Variants in EDF1 observed in about 807,000 individuals in gnomAD.
EDF1 encodes the protein endothelial differentiation related factor 1.
In EDF1, 5 loss-of-function variants were observed where a neutral mutation model predicts 20.8. The observed-to-expected ratio is 0.24, with a 90% CI of 0.13 to 0.51. EDF1 has a LOEUF of 0.51. Among genes scored for constraint, EDF1 ranks in the 20% least tolerant of loss-of-function variants. The pLI is 0.97. For missense variants in EDF1, 137 were observed against 197.8 expected (o/e 0.69, Z 1.84); for synonymous variants, 96 against 78.5 (o/e 1.22, Z -1.18).
chr9:136,864,912 C>T (rs1021912694), intron 1 of EDF1, among the ~76,000 whole-genome samples: 2 of 152,192 alleles, frequency 1.3e-5, no homozygotes, highest in Non-Finnish European at 2.9e-5. Context: ...CGTGAGCCAC[C>T]GCGCCCGGCC....
In EDF1 at chr9:136,863,937, AG is replaced by A; in HGVS notation, c.79-67del. On this transcript the variant is annotated intron_variant, in intron 1 of 4. Transcript: ENST00000224073. This position sits in a 1 kb window ranked among gnomAD's most constrained non-coding sequence, Gnocchi z 4.5. Reference sequence around the variant, plus strand: ...GACAGTATCCAGCACACACCAATTCAGGCCTGCTGTTAGCCAGTTAGCACAC... The same window carrying A: ...GACAGTATCCAGCACACACCAATTCAGCCTGCTGTTAGCCAGTTAGCACAC... 1.3e-6 allele frequency: 2 copies of A among 1,564,056 alleles called. No individual in the cohort carries two copies. The highest frequency in any genetic ancestry group is 2.2e-5 in the South Asian group (2 of 89,858).
chr9:136,862,300 C>A lies in EDF1; in HGVS notation c.431G>T (p.Gly144Val). The A allele has an allele frequency of 1.9e-6, 3 of 1,613,972 alleles. No individual in the cohort carries two copies. The highest frequency in any genetic ancestry group is 2.5e-6 in the Non-Finnish European group (3 of 1,179,988). Residue 144 changes from glycine (G) to valine (V), a missense_variant, in exon 5 of 5, where the codon GGG becomes GTG. By Grantham distance (109) the Gly-to-Val change is moderately radical (BLOSUM62 -3). Transcript: ENST00000224073. The surrounding 1 kb of genome is among the most constrained non-coding windows in gnomAD (Gnocchi z 4.1). ...GKDIGKPIEKGPRAK is the reference protein window; with the variant it reads ...GKDIGKPIEKVPRAK ...GCTTTGTGTTCATTTCGCCCTAGGC[C>A]CCTTCTCGATGGGCTTTCCAATGTC... is the stretch of plus-strand genomic sequence containing the variant.
chr9:136,863,240 C>CG lies in EDF1; in HGVS notation c.291+47_291+48insC, dbSNP rs1234648267. On this transcript the variant is annotated intron_variant, in intron 3 of 4. Coordinates refer to ENST00000224073, the MANE Select transcript of EDF1 (RefSeq NM_003792.4). This position sits in a 1 kb window ranked among gnomAD's most constrained non-coding sequence, Gnocchi z 4.5. Reference sequence around the variant, plus strand: ...TGCTATCTGAACACCGGCCATCCCCCTCCCCAAACCCACAACCCCAGGAGT... The same window carrying CG: ...TGCTATCTGAACACCGGCCATCCCCCGTCCCCAAACCCACAACCCCAGGAGT... 1 of 1,588,330 alleles carries CG rather than the reference C, an allele frequency of 6.3e-7. No homozygotes were observed. The highest frequency in any genetic ancestry group is 1.3e-5 in the African/African-American group (1 of 74,588).
chr9:136,863,132 G>T lies in EDF1; in HGVS notation c.292-133C>A. The T allele has an allele frequency of 6.7e-7, 1 of 1,499,528 alleles. No individual in the cohort carries two copies. Among genetic ancestry groups the T allele is most frequent in the Non-Finnish European group, 9.1e-7 (1 of 1,099,720 alleles). 92.9% of individuals were successfully genotyped at this position (1,499,528 alleles called of 1,614,324 possible). On this transcript the variant is annotated intron_variant, in intron 3 of 4. Transcript: ENST00000224073. This position sits in a 1 kb window ranked among gnomAD's most constrained non-coding sequence, Gnocchi z 4.5. ...ACCCACACGCAGCTGGGTTTTGTGCGAGAGGCAGTGAGAGCCGGGCTGACC... is the reference window on the plus strand; with the variant it reads ...ACCCACACGCAGCTGGGTTTTGTGCTAGAGGCAGTGAGAGCCGGGCTGACC...
chr9:136,862,882 G>C lies in EDF1; in HGVS notation c.385+24C>G. On this transcript the variant is annotated intron_variant, in intron 4 of 4. Coordinates refer to ENST00000224073, the MANE Select transcript of EDF1 (RefSeq NM_003792.4). This position sits in a 1 kb window ranked among gnomAD's most constrained non-coding sequence, Gnocchi z 4.1. Reference sequence around the variant, plus strand: ...GGTAGCCTCCCTGTTCAGCGGACCCGGCGAAGGGTGGAGGGACACTCACCA... The same window carrying C: ...GGTAGCCTCCCTGTTCAGCGGACCCCGCGAAGGGTGGAGGGACACTCACCA... 1 of 1,612,698 alleles carries C rather than the reference G, an allele frequency of 6.2e-7. No individual in the cohort carries two copies. The highest frequency in any genetic ancestry group is 8.5e-7 in the Non-Finnish European group (1 of 1,179,982).
chr9:136,866,247 G>T lies in EDF1; in HGVS notation c.12C>A (p.Ser4Arg), dbSNP rs373291770. 4.4e-6 allele frequency: 7 copies of T among 1,598,882 alleles called. No individual in the cohort carries two copies. In the African/African-American group the frequency reaches 5.5e-5, roughly 13 times the overall value. Residue 4 changes from serine (S) to arginine (R), a missense_variant, in exon 1 of 5, where the codon AGC (serine) becomes AGA (arginine). Ser to Arg is a moderately radical substitution (Grantham distance 110). Transcript: ENST00000224073. MAESDWDTVTVLRK... is the reference protein window; with the variant it reads MAERDWDTVTVLRK... ...GCAGCACCGTCACCGTGTCCCAGTC[G>T]CTCTCGGCCATGGCGGGCGAAGACG...
chr9:136,862,276 C>T lies in EDF1; in HGVS notation c.*8G>A. On this transcript the variant is annotated 3_prime_UTR_variant, in exon 5 of 5. Coordinates refer to ENST00000224073, the MANE Select transcript of EDF1 (RefSeq NM_003792.4). This position sits in a 1 kb window ranked among gnomAD's most constrained non-coding sequence, Gnocchi z 4.1. ...CAGCTGGAGCGCACTGATTTCGAGG[C>T]TTTGTGTTCATTTCGCCCTAGGCCC... 1 of 1,613,998 alleles carries T rather than the reference C, an allele frequency of 6.2e-7. No homozygotes were observed. The highest frequency in any genetic ancestry group is 8.5e-7 in the Non-Finnish European group (1 of 1,179,988).
chr9:136,865,270 C>T (rs919807513), intron 1 of EDF1, among the ~76,000 whole-genome samples: 1 of 152,132 alleles, frequency 6.6e-6, no homozygotes, highest in Non-Finnish European at 1.5e-5. Flanking sequence ...TTGGTAATCT[C>T]CTTCCACAAG....
rs770451976 is a variant in EDF1 at position 136,863,029 on chromosome 9, A to G, written c.292-30T>C. 2.5e-6 allele frequency: 4 copies of G among 1,610,096 alleles called. No homozygotes were observed. The highest frequency in any genetic ancestry group is 1.8e-4 in the Middle Eastern group (1 of 5,646). ...AGAGAAGATGTGCTTTATACACATCAGCTCCACTAGGACTGCTGCAAAACC... is the reference window on the plus strand; with the variant it reads ...AGAGAAGATGTGCTTTATACACATCGGCTCCACTAGGACTGCTGCAAAACC... On this transcript the variant is annotated intron_variant, in intron 3 of 4. Transcript: ENST00000224073. The surrounding 1 kb of genome is among the most constrained non-coding windows in gnomAD (Gnocchi z 4.5).
Position 136,863,945 on chromosome 9 carries a change from T to G in EDF1, c.79-74A>C. Reference sequence around the variant, plus strand: ...CCAGCACACACCAATTCAGGCCTGCTGTTAGCCAGTTAGCACACTGCTAAG... The same window carrying G: ...CCAGCACACACCAATTCAGGCCTGCGGTTAGCCAGTTAGCACACTGCTAAG... On this transcript the variant is annotated intron_variant, in intron 1 of 4. Coordinates refer to ENST00000224073, the MANE Select transcript of EDF1 (RefSeq NM_003792.4). The surrounding 1 kb of genome is among the most constrained non-coding windows in gnomAD (Gnocchi z 4.5). 6.6e-7 allele frequency: 1 copy of G among 1,506,042 alleles called. No individual in the cohort carries two copies. The highest frequency in any genetic ancestry group is 9.2e-7 in the Non-Finnish European group (1 of 1,087,824). 93.3% of individuals were successfully genotyped at this position (1,506,042 alleles called of 1,614,324 possible).
chr9:136,863,828 G>A lies in EDF1; in HGVS notation c.122C>T (p.Ser41Phe). The A allele has an allele frequency of 6.2e-7, 1 of 1,613,948 alleles. No homozygotes were observed. The highest frequency in any genetic ancestry group is 8.5e-7 in the Non-Finnish European group (1 of 1,179,994). ...AQRRGEDVET[S>F]KKWAAGQNKQ... ...GAAACACAAGTACCTACATTTCTTGGAAGTCTCCACATCTTCTCCTCGTCT... is the reference window on the plus strand; with the variant it reads ...GAAACACAAGTACCTACATTTCTTGAAAGTCTCCACATCTTCTCCTCGTCT... Residue 41 changes from serine (S) to phenylalanine (F), a missense_variant, in exon 2 of 5, where the codon TCC becomes TTC. Transcript: ENST00000224073. The surrounding 1 kb of genome is among the most constrained non-coding windows in gnomAD (Gnocchi z 4.5).
chr9:136,863,585 C>T lies in EDF1; in HGVS notation c.131-137G>A. On this transcript the variant is annotated intron_variant, in intron 2 of 4. Coordinates refer to ENST00000224073, the MANE Select transcript of EDF1 (RefSeq NM_003792.4). This position sits in a 1 kb window ranked among gnomAD's most constrained non-coding sequence, Gnocchi z 4.5. ...GGGAACCCAGGCTGTCCCAAGTTCA[C>T]ACACCTCAGGTCGTGGACTTCCAGA... 1 of 1,213,086 alleles carries T rather than the reference C, an allele frequency of 8.2e-7. No homozygotes were observed. The highest frequency in any genetic ancestry group is 1.1e-6 in the Non-Finnish European group (1 of 880,754). The allele number at this position is 1,213,086 out of a possible 1,614,324, so 75.1% of individuals were successfully genotyped here.
chr9:136,866,206 G>A lies in EDF1; in HGVS notation c.53C>T (p.Thr18Met), dbSNP rs1849223540. 3 of 1,601,488 alleles carry A rather than the reference G, an allele frequency of 1.9e-6. No homozygotes were observed. Among genetic ancestry groups the A allele is most frequent in the African/African-American group, 1.4e-5 (1 of 72,746 alleles). Reference sequence around the variant, plus strand: ...CTGCTTGGATTTGGCCTGGGCGGCCGTAGGGCCCTTCTTGCGCAGCACCGT... The same window carrying A: ...CTGCTTGGATTTGGCCTGGGCGGCCATAGGGCCCTTCTTGCGCAGCACCGT... ...TVTVLRKKGP[T>M]AAQAKSKQAI... The change falls in exon 1 of 5, where the codon ACG becomes ATG. Residue 18 changes from threonine to methionine, a missense_variant. Physicochemically the swap from Thr to Met is moderately conservative, Grantham distance 81. Coordinates refer to ENST00000224073, the MANE Select transcript of EDF1 (RefSeq NM_003792.4).
rs973740290 is a variant in EDF1 at position 136,863,114 on chromosome 9, C to T, written c.292-115G>A. Reference sequence around the variant, plus strand: ...AGGGCCCCTGGGGTACGCACCCACACGCAGCTGGGTTTTGTGCGAGAGGCA... The same window carrying T: ...AGGGCCCCTGGGGTACGCACCCACATGCAGCTGGGTTTTGTGCGAGAGGCA... On this transcript the variant is annotated intron_variant, in intron 3 of 4. Coordinates refer to ENST00000224073, the MANE Select transcript of EDF1 (RefSeq NM_003792.4). This position sits in a 1 kb window ranked among gnomAD's most constrained non-coding sequence, Gnocchi z 4.5. The T allele has an allele frequency of 2.0e-5, 30 of 1,521,652 alleles. No individual in the cohort carries two copies. The highest frequency in any genetic ancestry group is 2.3e-4 in the Middle Eastern group (1 of 4,358). The allele number at this position is 1,521,652 out of a possible 1,614,324, so 94.3% of individuals were successfully genotyped here.
chr9:136,864,032 C>G (rs909992351), intron 1 of EDF1, among the ~76,000 whole-genome samples, 161 bp from the exon 2 acceptor site: 1 of 152,138 alleles, frequency 6.6e-6, no homozygotes, highest in African/African-American at 2.4e-5. Context: ...CTCAACTAGG[C>G]ACCATGGCTT....
chr9:136,863,789 T>C lies in EDF1; in HGVS notation c.130+31A>G, dbSNP rs1849159601. On this transcript the variant is annotated intron_variant, in intron 2 of 4. Transcript: ENST00000224073. This position sits in a 1 kb window ranked among gnomAD's most constrained non-coding sequence, Gnocchi z 4.5. ...AGCACATGGACCCCACAGCACAGCCTCATGTTGCAAGCGGAAACACAAGTA... is the reference window on the plus strand; with the variant it reads ...AGCACATGGACCCCACAGCACAGCCCCATGTTGCAAGCGGAAACACAAGTA... 6.2e-7 allele frequency: 1 copy of C among 1,613,458 alleles called. No homozygotes were observed. The highest frequency in any genetic ancestry group is 1.3e-5 in the African/African-American group (1 of 75,002).
chr9:136,862,900 A>G lies in EDF1; in HGVS notation c.385+6T>C, dbSNP rs1849134743. On this transcript the variant is annotated splice_donor_region_variant and intron_variant, in intron 4 of 4. Coordinates refer to ENST00000224073, the MANE Select transcript of EDF1 (RefSeq NM_003792.4). This position sits in a 1 kb window ranked among gnomAD's most constrained non-coding sequence, Gnocchi z 4.1. ...CGGACCCGGCGAAGGGTGGAGGGACACTCACCAATGGCCCGCTCGATTTTG... is the reference window on the plus strand; with the variant it reads ...CGGACCCGGCGAAGGGTGGAGGGACGCTCACCAATGGCCCGCTCGATTTTG... 4 of 1,613,298 alleles carry G rather than the reference A, an allele frequency of 2.5e-6. No individual in the cohort carries two copies. In the East Asian group the frequency reaches 8.9e-5, roughly 36 times the overall value.
chr9:136,866,266 G>A lies in EDF1; in HGVS notation c.-8C>T. ...CCAGTCGCTCTCGGCCATGGCGGGCGAAGACGAGCGTCCGTCCGGCGGCTC... is the reference window on the plus strand; with the variant it reads ...CCAGTCGCTCTCGGCCATGGCGGGCAAAGACGAGCGTCCGTCCGGCGGCTC... On this transcript the variant is annotated 5_prime_UTR_variant, in exon 1 of 5. Transcript: ENST00000224073. 6 of 1,594,170 alleles carry A rather than the reference G, an allele frequency of 3.8e-6. No individual in the cohort carries two copies. The highest frequency in any genetic ancestry group is 5.1e-6 in the Non-Finnish European group (6 of 1,173,798).
chr9:136,863,770 T>C lies in EDF1; in HGVS notation c.130+50A>G. On this transcript the variant is annotated intron_variant, in intron 2 of 4. Transcript: ENST00000224073. The surrounding 1 kb of genome is among the most constrained non-coding windows in gnomAD (Gnocchi z 4.5). ...CGCACACACCACACCCACCAGCACA[T>C]GGACCCCACAGCACAGCCTCATGTT... 1 of 1,609,322 alleles carries C rather than the reference T, an allele frequency of 6.2e-7. No individual in the cohort carries two copies. Among genetic ancestry groups the C allele is most frequent in the East Asian group, 2.2e-5 (1 of 44,858 alleles).
Sources: gnomAD v4.1 joint callset for allele counts (sites outside exome capture counted in the v4.1 genomes callset) on GRCh38, gnomAD v4.1.1 for gene constraint, Gnocchi (gnomAD v3.1) non-coding constraint, MANE v1.5 for transcripts, NCBI Gene and HGNC (gene_info 2026-07-23, HGNC 2026-07-21) for gene names.